The following HELQ variants were observed in gnomAD, a reference collection of about 807,000 sequenced individuals.
HELQ encodes the protein helicase POLQ-like.
HELQ carries 77 observed loss-of-function variants against 111.6 expected under a neutral mutation model. The observed-to-expected ratio is 0.69, with a 90% CI of 0.57 to 0.83. The LOEUF is 0.83. Ranked by LOEUF, HELQ falls within the 40% of genes least tolerant of loss-of-function variation. The probability of loss-of-function intolerance (pLI) is 0.00; values close to 1 mark genes in which losing one functional copy is unlikely to be tolerated. For missense variants in HELQ, 1,200 were observed against 1,288.5 expected (o/e 0.93, Z 1.05); for synonymous variants, 438 against 454.7 (o/e 0.96, Z 0.47).
intron 14 of HELQ, among the ~76,000 whole-genome samples, chr4:83,424,347 G>T (rs1215439577): frequency 6.6e-6 from 1 of 152,106 alleles, no homozygotes. Context: ...CATTTTGAAG[G>T]TCTAAACAGC....
intron 17 of HELQ, 64 bp downstream of exon 17, chr4:83,416,667 C>CTT: frequency 6.6e-7 from 1 of 1,514,616 alleles, no homozygotes; most frequent in Non-Finnish European, 9.0e-7. Context: ...GTTCTGATGT[C>CTT]TATAATACAA....
intron 15 of HELQ, among the ~76,000 whole-genome samples, chr4:83,419,256 C>T (rs1412220560): frequency 2.0e-5 from 3 of 149,832 alleles, no homozygotes; most frequent in African/African-American, 7.4e-5. Flanking sequence ...CCCAGGGAAG[C>T]CAAAAGATTG....
chr4:83,451,797 G>A (rs1721389164), intron 2 of HELQ, among the ~76,000 whole-genome samples: 1 of 152,210 alleles, frequency 6.6e-6, no homozygotes, highest in South Asian at 2.1e-4. Context: ...ACAGAGGGAA[G>A]AAAGTTAACG....
chr4:83,416,717 GT>G lies in HELQ; in HGVS notation c.3198+13del, dbSNP rs1246720084. The G allele has an allele frequency of 6.2e-7, 1 of 1,609,762 alleles. No homozygotes were observed. The highest frequency in any genetic ancestry group is 8.5e-7 in the Non-Finnish European group (1 of 1,178,748). On this transcript the variant is annotated intron_variant, in intron 17 of 17. Transcript: ENST00000295488. Reference sequence around the variant, plus strand: ...GCAAGATTATTAAGGTTAAAAAATGGTTTGTTTGCTTACCTTTGCTGATGAA... The same window carrying G: ...GCAAGATTATTAAGGTTAAAAAATGGTTGTTTGCTTACCTTTGCTGATGAA...
At chr4:83,433,703 C>T (rs1720286848) in intron 9 of HELQ, among the ~76,000 whole-genome samples, 1 of 145,766 alleles carries the variant, frequency 6.9e-6, no homozygotes. Flanking sequence ...AGACTATTGG[C>T]CGTGTGTGGT....
At chr4:83,453,184 TG>T (rs1560561213) in intron 2 of HELQ, 46 bp downstream of exon 2, 1 of 1,067,438 alleles carries the variant, frequency 9.4e-7, no homozygotes, top group East Asian at 2.4e-5. Context: ...ACTAATATTA[TG>T]GTAATGATAG....
At chr4:83,425,210 G>GT (rs1719781806) in intron 14 of HELQ, among the ~76,000 whole-genome samples, 1 of 151,318 alleles carries the variant, frequency 6.6e-6, no homozygotes, top group African/African-American at 2.4e-5. Context: ...AACCTGGAAG[G>GT]TGGAGGTGTC....
intron 17 of HELQ, among the ~76,000 whole-genome samples, chr4:83,416,441 A>G (rs1739362493): frequency 6.6e-6 from 1 of 151,558 alleles, no homozygotes; most frequent in African/African-American, 2.4e-5. Context: ...GGCTGGTCTC[A>G]AACTCCTGAT....
At position 83,426,939 on chromosome 4, in the gene HELQ, A is replaced by G. The variant is rs1578078369; in HGVS notation, c.2676+624T>C. Among the ~76,000 whole-genome samples the G allele has an allele frequency of 2.0e-5, 3 of 152,226 alleles. No individual in the cohort carries two copies. The South Asian group carries it at 6.2e-4, about 32-fold the overall frequency. On this transcript the variant is annotated intron_variant, in intron 13 of 17. Transcript: ENST00000295488. Reference sequence around the variant, plus strand: ...ACTGTATGTTACCACTTGGCTTTATAATAAGTATGGACAGTTCTACTTTGT... The same window carrying G: ...ACTGTATGTTACCACTTGGCTTTATGATAAGTATGGACAGTTCTACTTTGT...
At chr4:83,455,020 A>T (rs1721671936) in intron 1 of HELQ, among the ~76,000 whole-genome samples, 1 of 152,238 alleles carries the variant, frequency 6.6e-6, no homozygotes, top group African/African-American at 2.4e-5. Flanking sequence ...CAGGATTTGG[A>T]GCAAGAACTG....
At chr4:83,429,872 C>T in intron 11 of HELQ, 126 bp from the exon 12 acceptor site, 1 of 599,632 alleles carries the variant, frequency 1.7e-6, no homozygotes, top group Non-Finnish European at 2.9e-6. Context: ...AGTATTAAAT[C>T]TACACAGTTG....
chr4:83,440,721 T>G (rs1197321243), intron 7 of HELQ, among the ~76,000 whole-genome samples: 1 of 152,158 alleles, frequency 6.6e-6, no homozygotes, highest in Non-Finnish European at 1.5e-5. Flanking sequence ...AAATTATTCT[T>G]TTGTTGTTGT....
chr4:83,431,578 A>G, intron 11 of HELQ, 86 bp downstream of exon 11: 1 of 503,744 alleles, frequency 2.0e-6, no homozygotes, highest in Non-Finnish European at 3.4e-6. Flanking sequence ...AAATCTACAC[A>G]GTTGCATATA....
intron 7 of HELQ, among the ~76,000 whole-genome samples, chr4:83,440,731 T>C (rs1487428757): frequency 1.3e-5 from 2 of 152,248 alleles, no homozygotes; most frequent in Admixed American, 6.5e-5. Flanking sequence ...TTTGTTGTTG[T>C]TGTTGTATGA....
At chr4:83,411,157 C>CA (rs35424076) in intron 17 of HELQ, among the ~76,000 whole-genome samples, 8,688 of 66,964 alleles carry the variant, frequency 0.13, 672 homozygotes, top group African/African-American at 0.23. Context: ...GACCTTGTCT[C>CA]AAAAAAAAAA....
Position 83,442,170 on chromosome 4 carries a change from T to A in HELQ, c.1564-767A>T, listed in dbSNP as rs376470825. ...TTTGTAAACACAGCTCATTGCATTT[T>A]ATAATAACAATAACAATGTCTACTG... On this transcript the variant is annotated intron_variant, in intron 6 of 17. Coordinates refer to ENST00000295488, the MANE Select transcript of HELQ (RefSeq NM_133636.5). 2.4e-4 allele frequency among the ~76,000 whole-genome samples: 37 copies of A among 152,190 alleles called. No individual in the cohort carries two copies. In the East Asian group the frequency reaches 6.7e-3, roughly 28 times the overall value.
chr4:83,433,542 T>C (rs951249014), intron 9 of HELQ, among the ~76,000 whole-genome samples: 2 of 151,610 alleles, frequency 1.3e-5, no homozygotes, highest in East Asian at 3.9e-4. Flanking sequence ...GGCAGGCGCC[T>C]GTAGTCCCAG....
At chr4:83,439,711 A>G (rs1720669377) in intron 8 of HELQ, 152 bp downstream of exon 8, 1 of 560,370 alleles carries the variant, frequency 1.8e-6, no homozygotes, top group Non-Finnish European at 3.1e-6. Context: ...CACAGTTAAA[A>G]TTTCTTTCTT....
At chr4:83,454,883 A>G (rs1374560467) in intron 1 of HELQ, among the ~76,000 whole-genome samples, 3 of 152,174 alleles carry the variant, frequency 2.0e-5, no homozygotes, top group Non-Finnish European at 1.5e-5. Context: ...TTGTACCACT[A>G]GACACTCCAA....
Sources: gnomAD v4.1 joint callset for allele counts (sites outside exome capture counted in the v4.1 genomes callset) on GRCh38, gnomAD v4.1.1 for gene constraint, MANE v1.5 for transcripts, NCBI Gene and HGNC (gene_info 2026-07-23, HGNC 2026-07-21) for gene names.